Variants in EPHA6 observed in about 807,000 individuals in gnomAD.
The protein encoded by EPHA6 is ephrin type-A receptor 6.
In EPHA6, 50 loss-of-function variants were observed where a neutral mutation model predicts 112.0. The ratio of observed to expected loss-of-function variants is 0.45; its 90% CI spans 0.36 to 0.56. The LOEUF is 0.56. EPHA6 is among the 20% of genes least tolerant of loss of function. The pLI is 0.00. For synonymous variants in EPHA6, 529 were observed against 490.7 expected, an observed-to-expected ratio of 1.08 and a Z score of -1.03; for missense variants, 1,280 against 1,417.4, an observed-to-expected ratio of 0.90 and a Z score of 1.56.
chr3:97,494,100 T>G (rs910578956), intron 10 of EPHA6, among the ~76,000 whole-genome samples: 2 of 152,228 alleles, frequency 1.3e-5, no homozygotes, highest in Non-Finnish European at 2.9e-5. Context: ...TTGTAGTAGG[T>G]TCTTCCAACA....
At chr3:97,651,057 T>C (rs949601627) in intron 14 of EPHA6, among the ~76,000 whole-genome samples, 19 of 152,054 alleles carry the variant, frequency 1.2e-4, no homozygotes, top group African/African-American at 4.1e-4. Flanking sequence ...AGAAATTTTA[T>C]GTTTTACATT....
intron 3 of EPHA6, among the ~76,000 whole-genome samples, chr3:97,175,832 A>G (rs572040713): frequency 2.0e-5 from 3 of 151,886 alleles, no homozygotes; most frequent in African/African-American, 7.2e-5. Flanking sequence ...CAAATACAAG[A>G]TCATATCATC....
At chr3:97,275,348 G>A (rs1390663478) in intron 5 of EPHA6, among the ~76,000 whole-genome samples, 2 of 152,176 alleles carry the variant, frequency 1.3e-5, no homozygotes, top group African/African-American at 4.8e-5. Context: ...GTGAAGCCTC[G>A]TGGCAGTACA....
At chr3:97,737,996 A>G (rs1202909277) in intron 16 of EPHA6, among the ~76,000 whole-genome samples, 2 of 152,124 alleles carry the variant, frequency 1.3e-5, no homozygotes, top group African/African-American at 2.4e-5. Flanking sequence ...ACAAAATTGC[A>G]GTAAAATAAA....
chr3:97,618,544 G>T (rs912751570), intron 13 of EPHA6, among the ~76,000 whole-genome samples: 4 of 151,984 alleles, frequency 2.6e-5, no homozygotes, highest in African/African-American at 9.7e-5. Context: ...AAGAAGAAAA[G>T]AGAGAAGATT....
intron 3 of EPHA6, among the ~76,000 whole-genome samples, chr3:97,182,347 T>A (rs1236967447): frequency 6.7e-6 from 1 of 149,064 alleles, no homozygotes; most frequent in Non-Finnish European, 1.5e-5. Context: ...ATAATTATCA[T>A]ATTATAATAA....
intron 3 of EPHA6, among the ~76,000 whole-genome samples, chr3:97,008,690 A>G (rs2107932904): frequency 6.6e-6 from 1 of 152,070 alleles, no homozygotes; most frequent in Non-Finnish European, 1.5e-5. Context: ...GAGAAGAGGC[A>G]CTCTGGCCTT....
At position 97,481,039 on chromosome 3, in the gene EPHA6, C is replaced by T. The variant is rs1577530807; in HGVS notation, c.2074+1675C>T. On this transcript the variant is annotated intron_variant, in intron 9 of 17. Transcript: ENST00000389672. ...TCCTCACATCCCAGATGATGGGCGG[C>T]CAGGCAGAGAGGCTCCTCACTTCCC... The T allele has an allele frequency of 1.5e-5, 6 of 399,112 alleles. 1 individual carries two copies. Among genetic ancestry groups the T allele is most frequent in the South Asian group, 1.0e-4 (5 of 49,538 alleles). 24.7% of individuals were successfully genotyped at this position (399,112 alleles called of 1,614,324 possible).
In EPHA6 at chr3:97,757,642, C is replaced by T. The variant is rs570074443; in HGVS notation, c.*8941C>T. Among the ~76,000 whole-genome samples, 9 of 151,492 alleles carry T rather than the reference C, an allele frequency of 5.9e-5. No individual in the cohort carries two copies. Among genetic ancestry groups the T allele is most frequent in the South Asian group, 2.1e-4 (1 of 4,810 alleles). ...CATAAAAAAGGAACTTACTTGATACCGTCTTTTAGCATCAATTTATCTTGT... is the reference window on the plus strand; with the variant it reads ...CATAAAAAAGGAACTTACTTGATACTGTCTTTTAGCATCAATTTATCTTGT... On this transcript the variant is annotated 3_prime_UTR_variant, in exon 18 of 18. Coordinates refer to ENST00000389672, the MANE Select transcript of EPHA6 (RefSeq NM_001080448.3).
rs2093657258 is a variant in EPHA6, at chr3:97,603,352, T to A, written c.2513-7441T>A. Among the ~76,000 whole-genome samples the A allele has an allele frequency of 2.0e-5, 3 of 151,970 alleles. No homozygotes were observed. The South Asian group carries it at 6.2e-4, about 31-fold the overall frequency. ...GTTTTGTTTCTCTAGCCTCACACCTTCCATTTACTCTAACAAATCTAGATT... is the reference window on the plus strand; with the variant it reads ...GTTTTGTTTCTCTAGCCTCACACCTACCATTTACTCTAACAAATCTAGATT... On this transcript the variant is annotated intron_variant, in intron 12 of 17. Coordinates refer to ENST00000389672, the MANE Select transcript of EPHA6 (RefSeq NM_001080448.3).
chr3:97,481,677 C>A (rs1347779334), intron 9 of EPHA6, among the ~76,000 whole-genome samples: 2 of 151,700 alleles, frequency 1.3e-5, no homozygotes, highest in Non-Finnish European at 2.9e-5. Context: ...GCCGCCCGGC[C>A]CCGCCCCGCA....
At chr3:96,896,850 C>A (rs944678977) in intron 2 of EPHA6, among the ~76,000 whole-genome samples, 2 of 152,112 alleles carry the variant, frequency 1.3e-5, no homozygotes, top group Non-Finnish European at 2.9e-5. Flanking sequence ...TTTATCCATT[C>A]AAGTTGAATA....
intron 5 of EPHA6, among the ~76,000 whole-genome samples, chr3:97,313,146 A>G (rs1014091916): frequency 6.6e-6 from 1 of 151,466 alleles, no homozygotes; most frequent in South Asian, 2.1e-4. Context: ...TACATTTTAC[A>G]TATAAGTGAG....
chr3:97,576,863 AC>A (rs1203676137), intron 11 of EPHA6, among the ~76,000 whole-genome samples: 39 of 152,246 alleles, frequency 2.6e-4, no homozygotes, highest in Non-Finnish European at 4.0e-4. Context: ...TGTGAAAGGT[AC>A]AATGAACAAG....
intron 13 of EPHA6, among the ~76,000 whole-genome samples, chr3:97,615,349 A>C (rs1005149711): frequency 2.0e-5 from 3 of 152,194 alleles, no homozygotes; most frequent in Admixed American, 6.5e-5. Flanking sequence ...GAGTCCTGGG[A>C]GCTTTATATA....
intron 3 of EPHA6, among the ~76,000 whole-genome samples, chr3:97,196,419 A>C (rs1456988491): frequency 6.6e-6 from 1 of 151,776 alleles, no homozygotes; most frequent in African/African-American, 2.4e-5. Context: ...TCTTCCTCAA[A>C]ACAGCCATTT....
chr3:97,204,527 C>A (rs2108503534), intron 3 of EPHA6, among the ~76,000 whole-genome samples: 1 of 152,150 alleles, frequency 6.6e-6, no homozygotes, highest in Middle Eastern at 3.4e-3. Context: ...GATTTGGATC[C>A]AGGATTTCTG....
intron 13 of EPHA6, among the ~76,000 whole-genome samples, chr3:97,614,506 T>TC (rs1403155005): frequency 1.7e-5 from 2 of 117,090 alleles, no homozygotes; most frequent in Middle Eastern, 3.7e-3. Context: ...AGCTAATTTT[T>TC]TTTTTTTTTT....
chr3:97,214,468 C>T (rs1422200954), intron 3 of EPHA6, among the ~76,000 whole-genome samples: 4 of 133,560 alleles, frequency 3.0e-5, no homozygotes, highest in Admixed American at 8.1e-5. Context: ...GCAACAAGAG[C>T]GAAACTTTGT....
Sources: gnomAD v4.1 joint callset for allele counts (sites outside exome capture counted in the v4.1 genomes callset) on GRCh38, gnomAD v4.1.1 for gene constraint, MANE v1.5 for transcripts, NCBI Gene and HGNC (gene_info 2026-07-23, HGNC 2026-07-21) for gene names.